The following METAP2 variants were observed in gnomAD, a reference collection of about 807,000 sequenced individuals.
METAP2 encodes methionyl aminopeptidase 2.
A neutral mutation model predicts 59.4 loss-of-function variants in METAP2; 25 were observed. That is an observed-to-expected ratio of 0.42 (90% CI 0.31 to 0.59). The LOEUF is 0.59. METAP2 is among the 20% of genes least tolerant of loss of function. METAP2 has a pLI of 0.16. For synonymous variants in METAP2, 214 were observed against 194.1 expected (o/e 1.10, Z -0.85); for missense variants, 366 against 581.2 (o/e 0.63, Z 3.81).
At chr12:95,477,140 G>T (rs567159557) in intron 2 of METAP2, among the ~76,000 whole-genome samples, 1 of 151,572 alleles carries the variant, frequency 6.6e-6, no homozygotes, top group South Asian at 2.1e-4. Context: ...GTCTCGCTCT[G>T]TCGCACAGGC....
At chr12:95,501,761 G>T (rs2076317637) in intron 7 of METAP2, among the ~76,000 whole-genome samples, 1 of 149,094 alleles carries the variant, frequency 6.7e-6, no homozygotes, top group South Asian at 2.1e-4. Context: ...TAAGTCATGT[G>T]GAAAACAAAT....
intron 4 of METAP2, among the ~76,000 whole-genome samples, chr12:95,488,731 G>A (rs2076216329): frequency 6.6e-6 from 1 of 151,944 alleles, no homozygotes; most frequent in Admixed American, 6.6e-5. Flanking sequence ...TTTGTCACAT[G>A]CTGTATTCCC....
chr12:95,502,793 A>G (rs911787894), intron 7 of METAP2, among the ~76,000 whole-genome samples: 5 of 151,356 alleles, frequency 3.3e-5, no homozygotes, highest in Non-Finnish European at 7.4e-5. Context: ...CCTTGTCCTT[A>G]TCTTCAGGTT....
chr12:95,484,112 A>G (rs748748475), intron 3 of METAP2, among the ~76,000 whole-genome samples: 31 of 152,100 alleles, frequency 2.0e-4, no homozygotes, highest in Admixed American at 1.4e-3. Flanking sequence ...TTAATCTTGG[A>G]TGCCATTTGG....
intron 8 of METAP2, among the ~76,000 whole-genome samples, chr12:95,510,473 A>T (rs926390788): frequency 6.6e-6 from 1 of 152,206 alleles, no homozygotes; most frequent in Non-Finnish European, 1.5e-5. Context: ...GAGAGCAAGA[A>T]ATGGTCAAAC....
chr12:95,508,569 T>C (rs951781566), intron 8 of METAP2, among the ~76,000 whole-genome samples: 6 of 152,200 alleles, frequency 3.9e-5, no homozygotes, highest in Non-Finnish European at 5.9e-5. Context: ...GGGGACTACC[T>C]CTAGAGTTAG....
chr12:95,501,491 C>T (rs551801813), intron 7 of METAP2, among the ~76,000 whole-genome samples: 1 of 152,048 alleles, frequency 6.6e-6, no homozygotes, highest in South Asian at 2.1e-4. Flanking sequence ...CTGAGGCGGG[C>T]GGATCACGAG....
Position 95,511,810 on chromosome 12 carries a change from C to T in METAP2, c.965-85C>T, listed in dbSNP as rs185641468. 312 of 890,158 alleles carry T rather than the reference C, an allele frequency of 3.5e-4. 1 individual carries two copies. In the African/African-American group the frequency reaches 4.2e-3, roughly 12 times the overall value. 55.1% of individuals were successfully genotyped at this position (890,158 alleles called of 1,614,324 possible). A position where few individuals can be genotyped will look rare whatever the true frequency, so the allele number is the denominator to read the frequency against. On this transcript the variant is annotated intron_variant, in intron 8 of 10. Transcript: ENST00000323666. Reference sequence around the variant, plus strand: ...GCCATACCTGGTTTTTGAATAAATGCTTGAACTCTGTACCAAAATGTAAGA... The same window carrying T: ...GCCATACCTGGTTTTTGAATAAATGTTTGAACTCTGTACCAAAATGTAAGA...
chr12:95,511,743 C>A, intron 8 of METAP2, 152 bp from the exon 9 acceptor site: 1 of 563,006 alleles, frequency 1.8e-6, no homozygotes, highest in Admixed American at 3.3e-5. Flanking sequence ...CACTAGATTC[C>A]AGTTTATATT....
intron 2 of METAP2, among the ~76,000 whole-genome samples, chr12:95,482,448 T>C (rs375522467): frequency 7.0e-4 from 107 of 152,258 alleles, no homozygotes; most frequent in African/African-American, 2.5e-3. Flanking sequence ...TTCTGCCTGC[T>C]AGGTTTTTGA....
chr12:95,512,855 C>T lies in METAP2; in HGVS notation c.1123C>T (p.His375Tyr). ...TGGTAGTACAGGAAAAGGTGTTGTT[C>T]ATGATGATATGGAATGTTCACATTA... ...TFGSTGKGVV[H>Y]DDMECSHYMK... The change falls in exon 10 of 11, where the codon CAT (histidine) becomes TAT (tyrosine). Residue 375 changes from histidine to tyrosine, a missense_variant. This residue lies in a region of METAP2 where 82 missense variants were observed against 156.2 expected (regional missense o/e 0.52). Transcript: ENST00000323666. 6.2e-7 allele frequency: 1 copy of T among 1,612,960 alleles called. No individual in the cohort carries two copies. The highest frequency in any genetic ancestry group is 2.2e-5 in the East Asian group (1 of 44,796).
Position 95,513,939 on chromosome 12 carries a change from C to T in METAP2, c.*35C>T. On this transcript the variant is annotated 3_prime_UTR_variant, in exon 11 of 11. Coordinates refer to ENST00000323666, the MANE Select transcript of METAP2 (RefSeq NM_006838.4). ...AAAGCCACCTCAACACCTTTATTTT[C>T]TGAGCTTTGTTGGAAAACATGATAC... 1.3e-6 allele frequency: 2 copies of T among 1,573,220 alleles called. No homozygotes were observed. Among genetic ancestry groups the T allele is most frequent in the Non-Finnish European group, 1.7e-6 (2 of 1,159,570 alleles).
rs550555305 is a variant in METAP2 at position 95,510,568 on chromosome 12, G to A, written c.965-1327G>A. 1.1e-4 allele frequency among the ~76,000 whole-genome samples: 17 copies of A among 152,258 alleles called. No individual in the cohort carries two copies. The South Asian group carries it at 3.3e-3, about 30-fold the overall frequency. ...TGCCTCCATGGCCCAAACTCCTCCTGTTAGGTCCCACCTCCCAACACCATC... is the reference window on the plus strand; with the variant it reads ...TGCCTCCATGGCCCAAACTCCTCCTATTAGGTCCCACCTCCCAACACCATC... On this transcript the variant is annotated intron_variant, in intron 8 of 10. Transcript: ENST00000323666.
intron 4 of METAP2, among the ~76,000 whole-genome samples, chr12:95,492,453 A>G (rs1309455401): frequency 6.6e-6 from 1 of 152,106 alleles, no homozygotes; most frequent in Non-Finnish European, 1.5e-5. Context: ...ATAGACCCTG[A>G]CGCTGGGTTT....
At chr12:95,495,247 C>T in intron 6 of METAP2, 109 bp downstream of exon 6, 2 of 921,898 alleles carry the variant, frequency 2.2e-6, no homozygotes, top group South Asian at 2.1e-5. Flanking sequence ...TTCTTGCTTC[C>T]TCATTTCATT....
intron 8 of METAP2, among the ~76,000 whole-genome samples, chr12:95,508,873 A>G (rs1014552760): frequency 2.6e-5 from 4 of 152,064 alleles, no homozygotes; most frequent in African/African-American, 9.7e-5. Flanking sequence ...GATCCCTGTT[A>G]TTTTATTGAT....
intron 7 of METAP2, among the ~76,000 whole-genome samples, chr12:95,501,674 C>T (rs1456277074): frequency 6.6e-6 from 1 of 151,122 alleles, no homozygotes; most frequent in Non-Finnish European, 1.5e-5. Context: ...GAGATTGCGC[C>T]ACTGCACTCC....
At chr12:95,506,517 T>G (rs1350327306) in intron 8 of METAP2, among the ~76,000 whole-genome samples, 1 of 151,940 alleles carries the variant, frequency 6.6e-6, no homozygotes, top group Non-Finnish European at 1.5e-5. Flanking sequence ...GCCAGGATGG[T>G]CTCAATCTCT....
At chr12:95,483,411 G>C in intron 3 of METAP2, 131 bp downstream of exon 3, 3 of 498,326 alleles carry the variant, frequency 6.0e-6, no homozygotes, top group Non-Finnish European at 1.1e-5. Context: ...AAGAGACGGA[G>C]ATTGCAGTAA....
Sources: allele counts gnomAD v4.1 joint callset (sites outside exome capture counted in the v4.1 genomes callset), GRCh38; gene constraint gnomAD v4.1.1; regional missense constraint gnomAD v4.1.1; transcripts MANE v1.5; gene names NCBI Gene and HGNC (gene_info 2026-07-23, HGNC 2026-07-21).